HEXB: variants seen among roughly 807,000 people sequenced by gnomAD.
HEXB encodes the protein beta-hexosaminidase subunit beta.
In HEXB, 51 loss-of-function variants were observed where a neutral mutation model predicts 71.2. That is an observed-to-expected ratio of 0.72 (90% CI 0.57 to 0.90). HEXB has a LOEUF of 0.90. HEXB is among the 40% of genes least tolerant of loss of function. The probability of loss-of-function intolerance (pLI) is 0.00; values close to 1 mark genes in which losing one functional copy is unlikely to be tolerated. For missense variants in HEXB, 617 were observed against 677.0 expected, an observed-to-expected ratio of 0.91 and a Z score of 0.98; for synonymous variants, 266 against 249.3, an observed-to-expected ratio of 1.07 and a Z score of -0.63.
upstream of HEXB, among the ~76,000 whole-genome samples, chr5:74,682,531 CTGT>C (rs1458854401): frequency 1.1e-4 from 16 of 152,332 alleles, no homozygotes; most frequent in Admixed American, 3.9e-4. Context: ...TATTATTTAT[CTGT>C]TGTTGTTTTA....
rs1415349459 is a variant in HEXB at position 74,642,679 on chromosome 5, T to C, written c.-377+2121T>C. On this transcript the variant is annotated intron_variant, in intron 1 of 13. Transcript: ENST00000511181. Reference sequence around the variant, plus strand: ...GGACTATGTACATAGCTCAGCTGGTTGGTTGGGGATTTTGCCACAGGAAGC... The same window carrying C: ...GGACTATGTACATAGCTCAGCTGGTCGGTTGGGGATTTTGCCACAGGAAGC... Among the ~76,000 whole-genome samples, 7 of 150,626 alleles carry C rather than the reference T, an allele frequency of 4.6e-5. No homozygotes were observed. In the East Asian group the frequency reaches 1.4e-3, roughly 29 times the overall value.
rs1749632575 is a variant in HEXB at position 74,714,760 on chromosome 5, TTTATAA to T, written c.902-747_902-742del. On this transcript the variant is annotated intron_variant, in intron 7 of 13. Coordinates refer to ENST00000261416, the MANE Select transcript of HEXB (RefSeq NM_000521.4). Reference sequence around the variant, plus strand: ...AAAGCACATAGCACAGTACCAAGCATTTATAATTGCTCAATATTATTAGAGTAGACA... The same window carrying T: ...AAAGCACATAGCACAGTACCAAGCATTTGCTCAATATTATTAGAGTAGACA... Among the ~76,000 whole-genome samples, 6 of 152,306 alleles carry T rather than the reference TTTATAA, an allele frequency of 3.9e-5. No individual in the cohort carries two copies. In the South Asian group the frequency reaches 1.2e-3, roughly 32 times the overall value.
intron 1 of HEXB, among the ~76,000 whole-genome samples, chr5:74,668,386 CA>C (rs1748474978): frequency 1.3e-5 from 2 of 152,068 alleles, no homozygotes; most frequent in African/African-American, 4.8e-5. Flanking sequence ...ATTCAGGCTG[CA>C]ACAGCAGAAG....
intron 5 of HEXB, among the ~76,000 whole-genome samples, chr5:74,701,315 G>A (rs1474764244): frequency 6.6e-6 from 1 of 151,952 alleles, no homozygotes; most frequent in Non-Finnish European, 1.5e-5. Context: ...TTTTATTTTA[G>A]TATCATTATA....
intron 5 of HEXB, among the ~76,000 whole-genome samples, chr5:74,697,676 C>T (rs1749144407): frequency 1.4e-5 from 2 of 143,306 alleles, no homozygotes; most frequent in Non-Finnish European, 3.0e-5. Flanking sequence ...TGCAGTGAGC[C>T]GAGATCGCAC....
At chr5:74,664,430 T>TTAAA (rs768901546) in intron 1 of HEXB, among the ~76,000 whole-genome samples, 3 of 79,634 alleles carry the variant, frequency 3.8e-5, no homozygotes, top group East Asian at 4.2e-4. Context: ...ATTCTATCTC[T>TTAAA]AAAAAAAAAA....
chr5:74,653,974 CA>C (rs1298621554), intron 1 of HEXB, among the ~76,000 whole-genome samples: 1 of 151,460 alleles, frequency 6.6e-6, no homozygotes, highest in Non-Finnish European at 1.5e-5. Flanking sequence ...ATTTCCCATG[CA>C]AAAAAAAGAT....
intron 1 of HEXB, among the ~76,000 whole-genome samples, chr5:74,674,043 A>G (rs1403383714): frequency 6.6e-6 from 1 of 152,194 alleles, no homozygotes; most frequent in African/African-American, 2.4e-5. Flanking sequence ...GTTGGCATTC[A>G]GAAGCAGGGA....
Position 74,721,255 on chromosome 5 carries a change from C to T in HEXB, c.*80C>T. On this transcript the variant is annotated 3_prime_UTR_variant, in exon 14 of 14. Coordinates refer to ENST00000261416, the MANE Select transcript of HEXB (RefSeq NM_000521.4). ...AAATCATGTAAAATAAGATATTAGA[C>T]TGTTTTTTGAATAAAATATTTTTAT... The T allele has an allele frequency of 8.9e-7, 1 of 1,122,602 alleles. No individual in the cohort carries two copies. Among genetic ancestry groups the T allele is most frequent in the Non-Finnish European group, 1.4e-6 (1 of 737,596 alleles). The allele number at this position is 1,122,602 out of a possible 1,614,324, so 69.5% of individuals were successfully genotyped here. A position where few individuals can be genotyped will look rare whatever the true frequency, so the allele number is the denominator to read the frequency against.
chr5:74,718,499 C>T, intron 10 of HEXB, 136 bp downstream of exon 10: 1 of 776,584 alleles, frequency 1.3e-6, no homozygotes, highest in Non-Finnish European at 2.3e-6. Flanking sequence ...CCTCATAGTT[C>T]CAAGCTAGGT....
At chr5:74,657,872 A>G (rs778212169) in intron 1 of HEXB, among the ~76,000 whole-genome samples, 7 of 152,080 alleles carry the variant, frequency 4.6e-5, no homozygotes, top group Admixed American at 2.0e-4. Context: ...ATAACAGCCT[A>G]TGTTACGCTT....
intron 5 of HEXB, among the ~76,000 whole-genome samples, chr5:74,700,382 T>TA (rs1416494086): frequency 2.0e-5 from 3 of 152,090 alleles, no homozygotes; most frequent in African/African-American, 7.2e-5. Flanking sequence ...GTTTTAATGT[T>TA]ATAGTTGTCT....
chr5:74,644,997 C>A (rs1747976226), intron 1 of HEXB, among the ~76,000 whole-genome samples: 1 of 151,928 alleles, frequency 6.6e-6, no homozygotes, highest in Non-Finnish European at 1.5e-5. Flanking sequence ...GTCTCGAACT[C>A]CTGACCTCAG....
rs1245981974 is a variant in HEXB at position 74,641,585 on chromosome 5, C to G, written c.-377+1027C>G. 1.3e-5 allele frequency among the ~76,000 whole-genome samples: 2 copies of G among 150,926 alleles called. No homozygotes were observed. Among genetic ancestry groups the G allele is most frequent in the Non-Finnish European group, 2.9e-5 (2 of 68,036 alleles). On this transcript the variant is annotated intron_variant, in intron 1 of 13. Transcript: ENST00000511181. This position sits in a 1 kb window ranked among gnomAD's most constrained non-coding sequence, Gnocchi z 4.1. Reference sequence around the variant, plus strand: ...CTAGCGATTAAGCCTCCATCACCTTCTCCTGTTTTTTATCGCTCGGTGGTG... The same window carrying G: ...CTAGCGATTAAGCCTCCATCACCTTGTCCTGTTTTTTATCGCTCGGTGGTG...
intron 2 of HEXB, 172 bp downstream of exon 2, chr5:74,689,645 G>T: frequency 1.5e-6 from 1 of 653,654 alleles, no homozygotes; most frequent in Non-Finnish European, 2.7e-6. Flanking sequence ...CATAGTCTTT[G>T]TGGAAAATTT....
chr5:74,706,513 G>T (rs371505375), intron 6 of HEXB, among the ~76,000 whole-genome samples: 7 of 152,208 alleles, frequency 4.6e-5, no homozygotes, highest in Admixed American at 2.0e-4. Flanking sequence ...CTCGGGAAGC[G>T]CAAGGGGTCA....
At chr5:74,685,995 C>T (rs919035855) in intron 1 of HEXB, among the ~76,000 whole-genome samples, 1 of 152,096 alleles carries the variant, frequency 6.6e-6, no homozygotes, top group Non-Finnish European at 1.5e-5. Flanking sequence ...GTTTCGCCCC[C>T]TCACCTCTCC....
Position 74,693,713 on chromosome 5 carries a change from C to T in HEXB, c.511+9C>T. The T allele has an allele frequency of 6.2e-7, 1 of 1,600,914 alleles. No individual in the cohort carries two copies. Among genetic ancestry groups the T allele is most frequent in the Non-Finnish European group, 8.6e-7 (1 of 1,167,972 alleles). On this transcript the variant is annotated intron_variant, in intron 3 of 13. Transcript: ENST00000261416. Reference sequence around the variant, plus strand: ...TTGGGGAGCATTACGAGGTAAGTTCCATGCAGTTTCATTGTTACTTTCCAG... The same window carrying T: ...TTGGGGAGCATTACGAGGTAAGTTCTATGCAGTTTCATTGTTACTTTCCAG...
intron 1 of HEXB, among the ~76,000 whole-genome samples, chr5:74,653,460 T>C (rs566868439): frequency 6.6e-6 from 1 of 152,328 alleles, no homozygotes; most frequent in East Asian, 1.9e-4. Context: ...CAGCAAAGCA[T>C]ATGAAACCAT....
Sources: gnomAD v4.1 joint callset for allele counts (sites outside exome capture counted in the v4.1 genomes callset) on GRCh38, gnomAD v4.1.1 for gene constraint, Gnocchi (gnomAD v3.1) non-coding constraint, MANE v1.5 for transcripts, NCBI Gene and HGNC (gene_info 2026-07-23, HGNC 2026-07-21) for gene names.